UVSSA: variants seen among roughly 807,000 people sequenced by gnomAD.
UVSSA encodes the protein UV-stimulated scaffold protein A.
In UVSSA, 72 loss-of-function variants were observed where a neutral mutation model predicts 73.9. The observed-to-expected ratio is 0.97, with a 90% CI of 0.81 to 1.19. UVSSA has a LOEUF of 1.19. Among genes scored for constraint, UVSSA ranks in the 50% most tolerant of loss-of-function variants. The pLI, the probability that UVSSA is intolerant of heterozygous loss-of-function variation, is 0.00. For synonymous variants in UVSSA, 454 were observed against 391.3 expected (o/e 1.16, Z -1.89); for missense variants, 1,150 against 965.0 (o/e 1.19, Z -2.54).
intron 7 of UVSSA, among the ~76,000 whole-genome samples, chr4:1,362,850 C>T (rs927737043): frequency 6.6e-6 from 1 of 152,186 alleles, no homozygotes; most frequent in African/African-American, 2.4e-5. Flanking sequence ...TCCCTGGTGA[C>T]CACGCCGTTC....
intron 8 of UVSSA, among the ~76,000 whole-genome samples, chr4:1,369,601 G>T (rs922034180): frequency 2.0e-5 from 3 of 152,166 alleles, no homozygotes; most frequent in Non-Finnish European, 4.4e-5. Context: ...TACCATTTCT[G>T]TCAGGACATA....
In UVSSA at chr4:1,349,556, G is replaced by T. The variant is rs546025033; in HGVS notation, c.131G>T (p.Arg44Leu). 6.2e-7 allele frequency: 1 copy of T among 1,613,774 alleles called. No homozygotes were observed. The highest frequency in any genetic ancestry group is 8.5e-7 in the Non-Finnish European group (1 of 1,179,954). ...GAGGAGCAGCTGAGCCGCGCCTACC[G>T]CCTGCTGATAGCACAGCTGACCCAG... ...SSEEQLSRAY[R>L]LLIAQLTQEH... The change falls in exon 3 of 14, where the codon CGC (arginine) becomes CTC (leucine). Residue 44 changes from arginine (R) to leucine (L), a missense_variant. Arg to Leu is a moderately radical substitution (Grantham distance 102, BLOSUM62 -2). Transcript: ENST00000389851.
At chr4:1,369,449 G>A (rs927952219) in intron 8 of UVSSA, among the ~76,000 whole-genome samples, 6 of 152,358 alleles carry the variant, frequency 3.9e-5, no homozygotes, top group Admixed American at 2.6e-4. Context: ...ATATTCTGCC[G>A]CTGTTTTTTC....
At chr4:1,378,550 G>GA (rs1214902746) in intron 10 of UVSSA, among the ~76,000 whole-genome samples, 3 of 150,940 alleles carry the variant, frequency 2.0e-5, no homozygotes, top group Non-Finnish European at 4.4e-5. Flanking sequence ...GAGTCTGTCT[G>GA]AAAAAAAAAT....
At chr4:1,355,055 C>G in intron 6 of UVSSA, 62 bp from the exon 7 acceptor site, 1 of 1,593,822 alleles carries the variant, frequency 6.3e-7, no homozygotes, top group Non-Finnish European at 8.6e-7. Context: ...TGCCTCCCAG[C>G]AGGACAGCTT....
exon 14 of UVSSA, chr4:1,395,809 T>G: frequency 6.2e-7 from 1 of 1,614,190 alleles, no homozygotes; most frequent in Non-Finnish European, 8.5e-7. Context: ...CGTTTTTATG[T>G]CAAGGATCCC....
At chr4:1,342,984 G>A (rs887819139), upstream of UVSSA, among the ~76,000 whole-genome samples, 1 of 151,882 alleles carries the variant, frequency 6.6e-6, no homozygotes, top group Non-Finnish European at 1.5e-5. Context: ...GCATTTCCAC[G>A]CACGTTGTAA....
chr4:1,355,341 C>T (rs1321386693), intron 7 of UVSSA, 96 bp downstream of exon 7: 7 of 1,271,272 alleles, frequency 5.5e-6, no homozygotes, highest in African/African-American at 3.0e-5. Context: ...GTGGGCCCGG[C>T]GGACCCCAGC....
In UVSSA at chr4:1,353,287, G is replaced by A; in HGVS notation, c.808G>A (p.Ala270Thr). 1.2e-6 allele frequency: 2 copies of A among 1,611,032 alleles called. No homozygotes were observed. The highest frequency in any genetic ancestry group is 8.5e-7 in the Non-Finnish European group (1 of 1,179,820). The part of the protein sequence containing the change: ...SAGHPRAGGG[A>T]QPSQTATGDP... ...AGGCCACCCCAGAGCGGGCGGCGGG[G>A]CACAGCCATCCCAGACAGCCACAGG... The change falls in exon 5 of 14, where the codon GCA becomes ACA. Residue 270 changes from alanine to threonine, a missense_variant. Coordinates refer to ENST00000389851, the MANE Select transcript of UVSSA (RefSeq NM_020894.4).
chr4:1,394,502 T>A, exon 14 of UVSSA: 5 of 1,612,516 alleles, frequency 3.1e-6, no homozygotes, highest in Non-Finnish European at 4.2e-6. Flanking sequence ...CAGGTGTCCC[T>A]GCACCTCTTA....
chr4:1,381,228 C>G (rs942843357), intron 12 of UVSSA, among the ~76,000 whole-genome samples: 50 of 152,204 alleles, frequency 3.3e-4, no homozygotes, highest in African/African-American at 1.2e-3. Flanking sequence ...AGGCCCTGAC[C>G]GGGAGGTGGG....
At chr4:1,365,549 C>T (rs1453369622) in intron 7 of UVSSA, among the ~76,000 whole-genome samples, 1 of 152,194 alleles carries the variant, frequency 6.6e-6, no homozygotes, top group Non-Finnish European at 1.5e-5. Context: ...GGGGGTGGCA[C>T]GAGGGCTCTC....
At chr4:1,379,465 T>TGGGAGC (rs1476425247) in intron 10 of UVSSA, among the ~76,000 whole-genome samples, 1 of 144,286 alleles carries the variant, frequency 6.9e-6, no homozygotes, top group African/African-American at 2.5e-5. Context: ...CAGCAGAGCG[T>TGGGAGC]GGGAGCGGAC....
At chr4:1,389,247 G>T (rs1448529979), downstream of UVSSA, 2 of 152,266 alleles carry the variant, frequency 1.3e-5, no homozygotes, top group Non-Finnish European at 2.9e-5. Flanking sequence ...CCAGGCTGGA[G>T]TGCAGTGGTG....
At chr4:1,342,174 C>T (rs1428690768), upstream of UVSSA, among the ~76,000 whole-genome samples, 3 of 152,220 alleles carry the variant, frequency 2.0e-5, no homozygotes, top group African/African-American at 7.2e-5. Context: ...TGTACCACAA[C>T]TGCCAAAGAT....
intron 2 of UVSSA, among the ~76,000 whole-genome samples, chr4:1,349,097 T>G (rs900201019): frequency 6.6e-6 from 1 of 151,644 alleles, no homozygotes; most frequent in Non-Finnish European, 1.5e-5. Flanking sequence ...TGCCGGGCGG[T>G]GTGTGTTGCG....
At chr4:1,347,912 C>T in intron 1 of UVSSA, 152 bp downstream of exon 1, 2 of 607,806 alleles carry the variant, frequency 3.3e-6, no homozygotes, top group South Asian at 3.9e-5. Flanking sequence ...CTGCAATCAC[C>T]GCCGTAAAGG....
intron 8 of UVSSA, among the ~76,000 whole-genome samples, chr4:1,373,019 C>T (rs1718329135): frequency 6.6e-6 from 1 of 152,214 alleles, no homozygotes; most frequent in Admixed American, 6.5e-5. Context: ...CTCAAAAGGC[C>T]TTGTCTCCAT....
At position 1,353,093 on chromosome 4, in the gene UVSSA, C is replaced by T; in HGVS notation, c.614C>T (p.Pro205Leu). The change falls in exon 5 of 14, where the codon CCT becomes CTT. Residue 205 changes from proline (P) to leucine (L), a missense_variant. Coordinates refer to ENST00000389851, the MANE Select transcript of UVSSA (RefSeq NM_020894.4). ...EVESCFRLLV[P>L]FDFDPNPETE... ...GAGAGCTGCTTTAGGCTGCTGGTGC[C>T]TTTTGACTTTGACCCGAACCCGGAG... 1.2e-6 allele frequency: 2 copies of T among 1,613,070 alleles called. No homozygotes were observed. The highest frequency in any genetic ancestry group is 1.7e-6 in the Non-Finnish European group (2 of 1,180,010).
Sources: allele counts gnomAD v4.1 joint callset (sites outside exome capture counted in the v4.1 genomes callset), GRCh38; gene constraint gnomAD v4.1.1; transcripts MANE v1.5; gene names NCBI Gene and HGNC (gene_info 2026-07-23, HGNC 2026-07-21).